The following KIF1B variants were observed in gnomAD, a reference collection of about 807,000 sequenced individuals.
KIF1B encodes the protein kinesin family member 1B.
Under a neutral mutation model 241.9 loss-of-function variants are expected in KIF1B, and 76 were observed. That is an observed-to-expected ratio of 0.31 (90% CI 0.26 to 0.38). The LOEUF is 0.38. Ranked by LOEUF, KIF1B falls within the 10% of genes least tolerant of loss-of-function variation. KIF1B has a pLI of 1.00. For synonymous variants in KIF1B, 750 were observed against 796.7 expected, an observed-to-expected ratio of 0.94 and a Z score of 0.99; for missense variants, 1,622 against 2,271.4, an observed-to-expected ratio of 0.71 and a Z score of 5.81.
rs5772405 is a variant in KIF1B at position 10,268,625 on chromosome 1, CTT to C, written c.720+378_720+379del. On this transcript the variant is annotated intron_variant, in intron 7 of 48. Transcript: ENST00000676179. Reference sequence around the variant, plus strand: ...ATTAGCTGCCTTTGGTATGTGTATTCTTTTTTTTTTTTTTTTTGAGCTATGAT... The same window carrying C: ...ATTAGCTGCCTTTGGTATGTGTATTCTTTTTTTTTTTTTTTGAGCTATGAT... Among the ~76,000 whole-genome samples, 163 of 129,986 alleles carry C rather than the reference CTT, an allele frequency of 1.3e-3. 1 individual carries two copies. The highest frequency in any genetic ancestry group is 0.012 in the South Asian group (50 of 4,040). The allele number at this position is 129,986 out of a possible 152,430, so 85.3% of individuals were successfully genotyped here. A position where few individuals can be genotyped will look rare whatever the true frequency, so the allele number is the denominator to read the frequency against.
intron 12 of KIF1B, among the ~76,000 whole-genome samples, chr1:10,276,604 G>A (rs1271243524): frequency 6.6e-6 from 1 of 152,162 alleles, no homozygotes; most frequent in African/African-American, 2.4e-5. Context: ...CACTGGGAAA[G>A]ATATGAACTT....
intron 2 of KIF1B, among the ~76,000 whole-genome samples, chr1:10,241,281 T>G (rs1647133625): frequency 6.6e-6 from 1 of 152,036 alleles, no homozygotes; most frequent in Non-Finnish European, 1.5e-5. Flanking sequence ...TTTTTAATTT[T>G]TTTGGAGCGA....
At chr1:10,248,848 G>C (rs945067327) in intron 2 of KIF1B, among the ~76,000 whole-genome samples, 19 of 152,176 alleles carry the variant, frequency 1.2e-4, no homozygotes, top group African/African-American at 4.6e-4. Context: ...ATCATCTGTG[G>C]AATGTTGCTT....
intron 22 of KIF1B, among the ~76,000 whole-genome samples, chr1:10,298,678 G>C (rs1650386106): frequency 6.6e-6 from 1 of 152,136 alleles, no homozygotes; most frequent in African/African-American, 2.4e-5. Context: ...TGGTCTGTGA[G>C]AGATCAAATG....
chr1:10,256,180 A>G, intron 2 of KIF1B, 67 bp from the exon 3 acceptor site: 1 of 981,836 alleles, frequency 1.0e-6, no homozygotes, highest in South Asian at 1.3e-5. Flanking sequence ...GAACACACAG[A>G]ATAACATGTT....
chr1:10,372,650 C>T (rs1191845450), intron 45 of KIF1B, among the ~76,000 whole-genome samples: 3 of 122,808 alleles, frequency 2.4e-5, no homozygotes, highest in African/African-American at 9.4e-5. Context: ...TGCGCGCCAG[C>T]TTGGGTGACA....
At position 10,320,278 on chromosome 1, in the gene KIF1B, T is replaced by A. The variant is rs922098724; in HGVS notation, c.2209+142T>A. 7 of 642,410 alleles carry A rather than the reference T, an allele frequency of 1.1e-5. No homozygotes were observed. In the Admixed American group the frequency reaches 1.5e-4, roughly 14 times the overall value. The allele number at this position is 642,410 out of a possible 1,614,324, so 39.8% of individuals were successfully genotyped here. ...ACATTTTACTGAGCCAGTTTACAGATGATTGAATAGATGTGCAGTGTTGAG... is the reference window on the plus strand; with the variant it reads ...ACATTTTACTGAGCCAGTTTACAGAAGATTGAATAGATGTGCAGTGTTGAG... On this transcript the variant is annotated intron_variant, in intron 23 of 48. Transcript: ENST00000676179.
At chr1:10,240,721 ATTTTTT>A (rs34449939) in intron 2 of KIF1B, among the ~76,000 whole-genome samples, 4 of 110,054 alleles carry the variant, frequency 3.6e-5, no homozygotes, top group South Asian at 5.7e-4. Context: ...TGGGTAGTTC[ATTTTTT>A]TTTTTTTTTT....
intron 4 of KIF1B, among the ~76,000 whole-genome samples, chr1:10,260,544 T>C (rs369404561): frequency 2.0e-4 from 30 of 152,228 alleles, no homozygotes; most frequent in African/African-American, 7.2e-4. Flanking sequence ...TTAAACTTTC[T>C]GATCCTTTTA....
chr1:10,262,363 T>C (rs1229525459), intron 5 of KIF1B, among the ~76,000 whole-genome samples: 1 of 152,150 alleles, frequency 6.6e-6, no homozygotes, highest in African/African-American at 2.4e-5. Context: ...TTGCCCAGGT[T>C]GGTGTTGAAC....
At chr1:10,372,352 T>C (rs752947314) in intron 45 of KIF1B, among the ~76,000 whole-genome samples, 1 of 151,780 alleles carries the variant, frequency 6.6e-6, no homozygotes, top group Non-Finnish European at 1.5e-5. Flanking sequence ...CTGGGCAACA[T>C]AGGGAGACCC....
chr1:10,261,873 C>T (rs748932973), intron 4 of KIF1B, 32 bp from the exon 5 acceptor site: 3 of 1,448,742 alleles, frequency 2.1e-6, no homozygotes, highest in Admixed American at 3.3e-5. Context: ...CTCATTTGTG[C>T]TCTTCATGCC....
chr1:10,282,839 T>C (rs1008297333), intron 15 of KIF1B, among the ~76,000 whole-genome samples: 1 of 152,216 alleles, frequency 6.6e-6, no homozygotes, highest in Non-Finnish European at 1.5e-5. Flanking sequence ...GTAATTGTTT[T>C]GTTAGAAATT....
chr1:10,242,977 C>G (rs1426647591), intron 2 of KIF1B, among the ~76,000 whole-genome samples: 1 of 152,146 alleles, frequency 6.6e-6, no homozygotes, highest in Non-Finnish European at 1.5e-5. Context: ...TACCAGAAAA[C>G]TGTGGGGCCG....
intron 1 of KIF1B, among the ~76,000 whole-genome samples, chr1:10,217,852 T>A (rs1250288704): frequency 6.6e-6 from 1 of 152,054 alleles, no homozygotes; most frequent in Non-Finnish European, 1.5e-5. Context: ...TTTATTAATT[T>A]TAATGTCCTC....
At position 10,239,399 on chromosome 1, in the gene KIF1B, A is replaced by G. The variant is rs1468086147; in HGVS notation, c.106+6965A>G. 3.3e-5 allele frequency among the ~76,000 whole-genome samples: 5 copies of G among 151,848 alleles called. No individual in the cohort carries two copies. In the East Asian group the frequency reaches 9.7e-4, roughly 29 times the overall value. On this transcript the variant is annotated intron_variant, in intron 2 of 48. Transcript: ENST00000676179. ...TTTTATTTTCTGATTTTTCTATTCT[A>G]TTGCTGCTGAACAAATTATTTTCTA...
intron 22 of KIF1B, among the ~76,000 whole-genome samples, chr1:10,315,242 A>G (rs888849676): frequency 2.1e-5 from 3 of 142,220 alleles, no homozygotes; most frequent in South Asian, 4.3e-4. Flanking sequence ...CAATGGTGCA[A>G]TCTCAGCTCA....
intron 15 of KIF1B, among the ~76,000 whole-genome samples, chr1:10,285,981 G>A (rs984999314): frequency 1.1e-4 from 16 of 151,858 alleles, no homozygotes; most frequent in African/African-American, 3.6e-4. Flanking sequence ...ATGTTGCTGT[G>A]GCTTTGTTCA....
chr1:10,223,014 G>A (rs1646864584), intron 1 of KIF1B, among the ~76,000 whole-genome samples: 1 of 152,212 alleles, frequency 6.6e-6, no homozygotes, highest in South Asian at 2.1e-4. Flanking sequence ...AGCACTTTGG[G>A]AGGCCGAGGC....
Sources: allele counts gnomAD v4.1 joint callset (sites outside exome capture counted in the v4.1 genomes callset), GRCh38; gene constraint gnomAD v4.1.1; transcripts MANE v1.5; gene names NCBI Gene and HGNC (gene_info 2026-07-23, HGNC 2026-07-21).